Variants in EXOC4 observed in about 807,000 individuals in gnomAD.
The protein encoded by EXOC4 is SEC8-like 1.
Under a neutral mutation model 107.2 loss-of-function variants are expected in EXOC4, and 71 were observed. The ratio of observed to expected loss-of-function variants is 0.66; its 90% CI spans 0.55 to 0.81. The LOEUF is 0.81. Among genes scored for constraint, EXOC4 ranks in the 30% least tolerant of loss-of-function variants. The pLI is 0.00. For synonymous variants in EXOC4, 456 were observed against 441.2 expected (o/e 1.03, Z -0.42); for missense variants, 1,108 against 1,189.6 (o/e 0.93, Z 1.01).
intron 17 of EXOC4, among the ~76,000 whole-genome samples, chr7:134,059,527 T>G (rs772200424): frequency 1.3e-5 from 2 of 152,232 alleles, no homozygotes; most frequent in Non-Finnish European, 2.9e-5. Flanking sequence ...GTGAGTTAGA[T>G]GCTGCCCATA....
At chr7:133,656,344 A>G (rs28374390) in intron 10 of EXOC4, among the ~76,000 whole-genome samples, 2,886 of 151,520 alleles carry the variant, frequency 0.019, 86 homozygotes, top group African/African-American at 0.066. Context: ...GAAGAAATAG[A>G]AAATGAATTT....
At chr7:133,932,794 T>C (rs1430302105) in intron 13 of EXOC4, among the ~76,000 whole-genome samples, 1 of 152,168 alleles carries the variant, frequency 6.6e-6, no homozygotes, top group Admixed American at 6.6e-5. Context: ...CCTGCTCTGT[T>C]CTTTATTACA....
intron 10 of EXOC4, among the ~76,000 whole-genome samples, chr7:133,797,691 G>T (rs1796846434): frequency 6.6e-6 from 1 of 152,180 alleles, no homozygotes. Flanking sequence ...TGTTGATTCA[G>T]TGAGAGTCAC....
At chr7:133,768,542 A>G (rs1486082864) in intron 10 of EXOC4, 1 of 151,952 alleles carries the variant, frequency 6.6e-6, no homozygotes, top group Middle Eastern at 3.2e-3. Context: ...TCAAACTGTC[A>G]CCAAGATTAG....
At chr7:134,037,328 C>A (rs2116509494) in intron 17 of EXOC4, among the ~76,000 whole-genome samples, 1 of 152,150 alleles carries the variant, frequency 6.6e-6, no homozygotes, top group South Asian at 2.1e-4. Context: ...AGAAGGAGAC[C>A]AGGGTGACTT....
intron 14 of EXOC4, among the ~76,000 whole-genome samples, chr7:133,940,371 G>A (rs1351063165): frequency 6.6e-6 from 1 of 152,200 alleles, no homozygotes; most frequent in Non-Finnish European, 1.5e-5. Context: ...AATCATCTCT[G>A]TTATTCTGAC....
intron 10 of EXOC4, among the ~76,000 whole-genome samples, chr7:133,721,679 C>CA (rs1450139234): frequency 6.6e-6 from 1 of 152,122 alleles, no homozygotes; most frequent in African/African-American, 2.4e-5. Context: ...GTTAGGTTTA[C>CA]ATGGTAAGAA....
At chr7:133,725,526 C>T (rs183817812) in intron 10 of EXOC4, among the ~76,000 whole-genome samples, 4 of 152,290 alleles carry the variant, frequency 2.6e-5, no homozygotes, top group South Asian at 2.1e-4. Context: ...CAAGCCCCCA[C>T]CACCACATCC....
chr7:133,633,399 C>A (rs1802635036), intron 10 of EXOC4, among the ~76,000 whole-genome samples: 1 of 152,040 alleles, frequency 6.6e-6, no homozygotes, highest in Admixed American at 6.6e-5. Context: ...AATAATTATT[C>A]TATATTTATA....
At chr7:133,661,038 G>T (rs542427772) in intron 10 of EXOC4, among the ~76,000 whole-genome samples, 1 of 152,244 alleles carries the variant, frequency 6.6e-6, no homozygotes, top group African/African-American at 2.4e-5. Context: ...TTTAATTCAT[G>T]TTTGTCTGAT....
At position 133,459,144 on chromosome 7, in the gene EXOC4, T is replaced by C. The variant is rs1019771341; in HGVS notation, c.1183-16184T>C. Among the ~76,000 whole-genome samples, 3 of 152,234 alleles carry C rather than the reference T, an allele frequency of 2.0e-5. No homozygotes were observed. The South Asian group carries it at 6.2e-4, about 31-fold the overall frequency. On this transcript the variant is annotated intron_variant, in intron 7 of 17. Coordinates refer to ENST00000253861, the MANE Select transcript of EXOC4 (RefSeq NM_021807.4). ...CATGAGGTACATGAATTGTATGGTA[T>C]TGCTTCTGCGTTAACATGGTTGGTA... is the stretch of plus-strand genomic sequence containing the variant.
At chr7:133,352,464 G>A (rs1192844438) in intron 5 of EXOC4, among the ~76,000 whole-genome samples, 3 of 151,532 alleles carry the variant, frequency 2.0e-5, no homozygotes, top group Admixed American at 6.6e-5. Flanking sequence ...TATTTTTTCT[G>A]CTCTTGTTTT....
intron 10 of EXOC4, among the ~76,000 whole-genome samples, chr7:133,692,889 T>C (rs1279929657): frequency 6.6e-6 from 1 of 152,194 alleles, no homozygotes; most frequent in East Asian, 1.9e-4. Context: ...GGTACTGTGC[T>C]AAGCGCTTCA....
In EXOC4 at chr7:133,534,183, T is replaced by C. The variant is rs1352372383; in HGVS notation, c.1417+54045T>C. Among the ~76,000 whole-genome samples, 3 of 152,314 alleles carry C rather than the reference T, an allele frequency of 2.0e-5. No individual in the cohort carries two copies. The South Asian group carries it at 6.2e-4, about 32-fold the overall frequency. Reference sequence around the variant, plus strand: ...AGCACTTTGGTTCTATGTATTCATGTTTTTGTTGCCATTTTTGATTTAGTG... The same window carrying C: ...AGCACTTTGGTTCTATGTATTCATGCTTTTGTTGCCATTTTTGATTTAGTG... On this transcript the variant is annotated intron_variant, in intron 9 of 17. Coordinates refer to ENST00000253861, the MANE Select transcript of EXOC4 (RefSeq NM_021807.4).
intron 14 of EXOC4, among the ~76,000 whole-genome samples, chr7:133,980,613 G>GGA (rs566659003): frequency 1.1e-3 from 164 of 152,324 alleles, no homozygotes; most frequent in African/African-American, 3.8e-3. Flanking sequence ...TTAGTTAATA[G>GGA]GAGAATACTC....
At chr7:133,786,568 G>A (rs991132002) in intron 10 of EXOC4, among the ~76,000 whole-genome samples, 2 of 152,208 alleles carry the variant, frequency 1.3e-5, no homozygotes, top group African/African-American at 4.8e-5. Context: ...CCAGAAATGT[G>A]AGGAAAGCTC....
rs576010482 is a variant in EXOC4 at position 134,023,423 on chromosome 7, A to C, written c.2687+15588A>C. On this transcript the variant is annotated intron_variant, in intron 17 of 17. Coordinates refer to ENST00000253861, the MANE Select transcript of EXOC4 (RefSeq NM_021807.4). ...TAGGTAGTAATGACAAACTGCTTAA[A>C]ATAATTTTATATTACTTTATTATTT... Among the ~76,000 whole-genome samples the C allele has an allele frequency of 4.6e-5, 7 of 152,280 alleles. No individual in the cohort carries two copies. The South Asian group carries it at 1.4e-3, about 32-fold the overall frequency.
intron 17 of EXOC4, among the ~76,000 whole-genome samples, chr7:134,062,438 T>C (rs929935359): frequency 4.6e-5 from 7 of 152,160 alleles, no homozygotes; most frequent in African/African-American, 1.4e-4. Context: ...CATTTCCCCA[T>C]AGGAGGTTCT....
chr7:133,666,153 G>A (rs1463511118), intron 10 of EXOC4, among the ~76,000 whole-genome samples: 1 of 152,018 alleles, frequency 6.6e-6, no homozygotes, highest in African/African-American at 2.4e-5. Flanking sequence ...CATCCAAGAG[G>A]GAAATAGACG....
Sources: allele counts gnomAD v4.1 joint callset (sites outside exome capture counted in the v4.1 genomes callset), GRCh38; gene constraint gnomAD v4.1.1; transcripts MANE v1.5; gene names NCBI Gene and HGNC (gene_info 2026-07-23, HGNC 2026-07-21).